Variants in TRIM71 observed in about 807,000 individuals in gnomAD.
TRIM71 encodes the protein tripartite motif containing 71, also known as E3 ubiquitin-protein ligase TRIM71.
In TRIM71, 9 loss-of-function variants were observed where a neutral mutation model predicts 61.2. The observed-to-expected ratio is 0.15, with a 90% CI of 0.09 to 0.26. TRIM71 has a LOEUF of 0.26. Ranked by LOEUF, TRIM71 falls within the 10% of genes least tolerant of loss-of-function variation. The probability of loss-of-function intolerance (pLI) is 1.00; values close to 1 mark genes in which losing one functional copy is unlikely to be tolerated. For synonymous variants in TRIM71, 645 were observed against 553.2 expected (o/e 1.17, Z -2.33); for missense variants, 998 against 1,238.7 (o/e 0.81, Z 2.92).
intron 1 of TRIM71, among the ~76,000 whole-genome samples, chr3:32,821,273 A>T (rs940831189): frequency 6.6e-6 from 1 of 152,196 alleles, no homozygotes; most frequent in Non-Finnish European, 1.5e-5. Flanking sequence ...TTTAATGTGT[A>T]TACTGTCTAC....
intron 1 of TRIM71, among the ~76,000 whole-genome samples, chr3:32,835,197 G>A (rs1696321317): frequency 6.6e-6 from 1 of 152,176 alleles, no homozygotes; most frequent in Non-Finnish European, 1.5e-5. Flanking sequence ...GGCATGTTAC[G>A]GACATCTGGA....
intron 1 of TRIM71, among the ~76,000 whole-genome samples, chr3:32,853,943 G>A (rs973543643): frequency 8.6e-5 from 13 of 152,014 alleles, no homozygotes; most frequent in Non-Finnish European, 1.9e-4. Context: ...GGCGGGGGTT[G>A]CAATGAGCTG....
chr3:32,864,668 C>T (rs1696709653), intron 1 of TRIM71, among the ~76,000 whole-genome samples: 1 of 152,230 alleles, frequency 6.6e-6, no homozygotes, highest in South Asian at 2.1e-4. Flanking sequence ...GCATGAGTGT[C>T]TGCCGTCTGC....
At chr3:32,858,952 CCCAT>C (rs1366497008) in intron 1 of TRIM71, among the ~76,000 whole-genome samples, 1 of 152,138 alleles carries the variant, frequency 6.6e-6, no homozygotes, top group Non-Finnish European at 1.5e-5. Flanking sequence ...TCTGGCTTTT[CCCAT>C]CTTTGTGAAG....
intron 1 of TRIM71, among the ~76,000 whole-genome samples, chr3:32,872,515 CCTT>C (rs1458728989): frequency 6.6e-6 from 1 of 152,186 alleles, no homozygotes; most frequent in East Asian, 1.9e-4. Flanking sequence ...CCTAAGAAAA[CCTT>C]CTGGGCCACT....
At chr3:32,882,814 T>C (rs1283777883) in intron 2 of TRIM71, among the ~76,000 whole-genome samples, 2 of 152,166 alleles carry the variant, frequency 1.3e-5, no homozygotes, top group East Asian at 3.9e-4. Flanking sequence ...AGTGCTGGGA[T>C]TACAGGTGTG....
chr3:32,830,842 GT>G (rs1365784836), intron 1 of TRIM71, among the ~76,000 whole-genome samples: 1 of 152,030 alleles, frequency 6.6e-6, no homozygotes, highest in South Asian at 2.1e-4. Context: ...ATGTTTGTTT[GT>G]TTTTTTGCTG....
At chr3:32,880,699 T>C (rs1244690709) in intron 2 of TRIM71, among the ~76,000 whole-genome samples, 1 of 152,200 alleles carries the variant, frequency 6.6e-6, no homozygotes, top group African/African-American at 2.4e-5. Flanking sequence ...ACCACTCATT[T>C]TTATTGCTTT....
Position 32,835,268 on chromosome 3 carries a change from G to A in TRIM71, c.852+16336G>A, listed in dbSNP as rs1245408561. 2.0e-5 allele frequency among the ~76,000 whole-genome samples: 3 copies of A among 152,156 alleles called. No homozygotes were observed. In the East Asian group the frequency reaches 5.8e-4, roughly 29 times the overall value. The stretch of plus-strand genomic sequence containing the variant: ...GGAGTGGGGGCAGAATGTCCAAGGT[G>A]TAACAGTTCTGTAGCTTCAGCAGGT... On this transcript the variant is annotated intron_variant, in intron 1 of 3. Coordinates refer to ENST00000383763, the MANE Select transcript of TRIM71 (RefSeq NM_001039111.3).
At chr3:32,887,527 T>TTA (rs1414663264) in intron 3 of TRIM71, among the ~76,000 whole-genome samples, 1 of 148,910 alleles carries the variant, frequency 6.7e-6, no homozygotes, top group Non-Finnish European at 1.5e-5. Context: ...CAAATCCCTC[T>TTA]TACTTTGCCT....
intron 1 of TRIM71, among the ~76,000 whole-genome samples, chr3:32,868,977 C>A (rs1289566182): frequency 1.3e-5 from 2 of 152,182 alleles, no homozygotes; most frequent in African/African-American, 4.8e-5. Context: ...GATTTGAGCA[C>A]AAGCACTCAG....
rs941730198 is a variant in TRIM71 at position 32,874,966 on chromosome 3, G to GC, written c.1020+984dup. The stretch of plus-strand genomic sequence containing the variant: ...CTCCCAAGTAGCTGGGGTTACAGGC[G>GC]CCCGCTGCCATTCCCAGCTAATTTT... On this transcript the variant is annotated intron_variant, in intron 2 of 3. Coordinates refer to ENST00000383763, the MANE Select transcript of TRIM71 (RefSeq NM_001039111.3). 3.7e-4 allele frequency among the ~76,000 whole-genome samples: 57 copies of GC among 152,124 alleles called. 1 individual carries two copies. Among genetic ancestry groups the GC allele is most frequent in the Non-Finnish European group, 8.1e-4 (55 of 68,002 alleles).
At chr3:32,819,271 TGCTC>T (rs1324709914) in intron 1 of TRIM71, among the ~76,000 whole-genome samples, 2 of 666 alleles carry the variant, frequency 3.0e-3, no homozygotes, top group Non-Finnish European at 0.03. Flanking sequence ...AGACGTGGCC[TGCTC>T]CTGCTCTTGT....
At chr3:32,836,598 A>G (rs1575343942) in intron 1 of TRIM71, among the ~76,000 whole-genome samples, 1 of 152,206 alleles carries the variant, frequency 6.6e-6, no homozygotes, top group Admixed American at 6.5e-5. Context: ...GTCTTGGTAT[A>G]TCATAGAAGG....
At chr3:32,875,681 A>G (rs1053668630) in intron 2 of TRIM71, among the ~76,000 whole-genome samples, 1 of 152,082 alleles carries the variant, frequency 6.6e-6, no homozygotes, top group Non-Finnish European at 1.5e-5. Context: ...AAAAAGTACC[A>G]AAATTAGCCG....
intron 1 of TRIM71, among the ~76,000 whole-genome samples, chr3:32,873,486 ACTCTCATG>A (rs1216135283): frequency 6.6e-6 from 1 of 151,958 alleles, no homozygotes; most frequent in Non-Finnish European, 1.5e-5. Flanking sequence ...TTCAGGGCAA[ACTCTCATG>A]CCAGGAGGTT....
intron 1 of TRIM71, among the ~76,000 whole-genome samples, chr3:32,865,145 C>T (rs1189338526): frequency 8.6e-5 from 13 of 151,896 alleles, no homozygotes; most frequent in East Asian, 5.8e-4. Context: ...CTGGCTAACA[C>T]GATGAAACCC....
At chr3:32,887,247 C>G (rs913308345) in intron 3 of TRIM71, among the ~76,000 whole-genome samples, 1 of 152,084 alleles carries the variant, frequency 6.6e-6, no homozygotes, top group African/African-American at 2.4e-5. Flanking sequence ...TGAGGCTGAC[C>G]CACTGTCCTC....
intron 1 of TRIM71, among the ~76,000 whole-genome samples, chr3:32,839,590 T>G (rs529594350): frequency 6.7e-6 from 1 of 150,334 alleles, no homozygotes; most frequent in African/African-American, 2.4e-5. Context: ...CAGTAGGCTT[T>G]AGGCTGTTTC....
Sources: allele counts gnomAD v4.1 joint callset (sites outside exome capture counted in the v4.1 genomes callset), GRCh38; gene constraint gnomAD v4.1.1; transcripts MANE v1.5; gene names NCBI Gene and HGNC (gene_info 2026-07-23, HGNC 2026-07-21).